Variants in NTRK2 observed in about 807,000 individuals in gnomAD.
NTRK2 encodes the protein BDNF/NT-3 growth factors receptor.
A neutral mutation model predicts 94.5 loss-of-function variants in NTRK2; 13 were observed. The observed-to-expected ratio is 0.14, with a 90% CI of 0.09 to 0.22. The LOEUF (loss-of-function observed/expected upper bound fraction) is 0.22, where lower values mean the gene tolerates loss of function less well. Ranked by LOEUF, NTRK2 falls within the 10% of genes least tolerant of loss-of-function variation. NTRK2 has a pLI of 1.00. For missense variants in NTRK2, 639 were observed against 1,071.2 expected, an observed-to-expected ratio of 0.60 and a Z score of 5.63; for synonymous variants, 372 against 407.4, an observed-to-expected ratio of 0.91 and a Z score of 1.05.
intron 14 of NTRK2, chr9:84,877,089 T>C: frequency 2.8e-6 from 3 of 1,064,444 alleles, no homozygotes; most frequent in Non-Finnish European, 3.4e-6. Flanking sequence ...TCATCACTCA[T>C]GTCCTGAATC....
chr9:84,751,174 A>C (rs11140751), intron 11 of NTRK2, among the ~76,000 whole-genome samples: 1,592 of 152,316 alleles, frequency 0.01, 10 homozygotes, highest in Non-Finnish European at 0.017. Flanking sequence ...CCTGACTTCT[A>C]AGAGCAACAA....
At chr9:84,937,931 TG>T (rs1249624430) in intron 15 of NTRK2, among the ~76,000 whole-genome samples, 2 of 152,224 alleles carry the variant, frequency 1.3e-5, no homozygotes, top group African/African-American at 4.8e-5. Flanking sequence ...GTGTGCATCG[TG>T]GGATTCATGG....
Position 84,670,615 on chromosome 9 carries a change from GACTCGGCACGCCCGCA to G in NTRK2, c.-131_-116del. On this transcript the variant is annotated 5_prime_UTR_variant, in exon 2 of 19. Transcript: ENST00000277120. ...GACCAGCTCAGCCTCTGATAAGCTG[GACTCGGCACGCCCGCA>G]ACAAGCACCGAGGAGTTAAGAGAGC... 1.1e-6 allele frequency: 1 copy of G among 874,678 alleles called. No homozygotes were observed. The highest frequency in any genetic ancestry group is 2.4e-5 in the East Asian group (1 of 41,420). The allele number at this position is 874,678 out of a possible 1,614,324, so 54.2% of individuals were successfully genotyped here. A position where few individuals can be genotyped will look rare whatever the true frequency, so the allele number is the denominator to read the frequency against.
chr9:84,875,235 A>C, intron 14 of NTRK2: 1 of 1,058,682 alleles, frequency 9.4e-7, no homozygotes, highest in Non-Finnish European at 1.1e-6. Context: ...ATTGTGCTGC[A>C]CAGTGTGTAG....
At chr9:84,845,402 A>G (rs900505443) in intron 12 of NTRK2, among the ~76,000 whole-genome samples, 4 of 152,234 alleles carry the variant, frequency 2.6e-5, no homozygotes, top group Admixed American at 2.6e-4. Context: ...CTTGGGTTGA[A>G]TAAACCCAAA....
rs571031615 is a variant in NTRK2 at position 84,988,579 on chromosome 9, C to G, written c.2173-31627C>G. ...ATCATAGAAAACTTTGTGATGGGAC[C>G]CTGATGCGGCGAGGGAAATCAGCTC... On this transcript the variant is annotated intron_variant, in intron 17 of 18. Coordinates refer to ENST00000277120, the MANE Select transcript of NTRK2 (RefSeq NM_006180.6). 6.6e-5 allele frequency among the ~76,000 whole-genome samples: 10 copies of G among 152,282 alleles called. No homozygotes were observed. The South Asian group carries it at 2.1e-3, about 32-fold the overall frequency.
intron 6 of NTRK2, among the ~76,000 whole-genome samples, chr9:84,722,033 A>C (rs892581575): frequency 6.6e-6 from 1 of 152,198 alleles, no homozygotes; most frequent in African/African-American, 2.4e-5. Context: ...ACACATTGAG[A>C]AAAACAACAG....
intron 13 of NTRK2, 55 bp from the exon 14 acceptor site, chr9:84,867,188 A>C: frequency 1.3e-6 from 2 of 1,551,214 alleles, no homozygotes; most frequent in Non-Finnish European, 1.8e-6. Context: ...TATGTGAATT[A>C]CAGCTCAATA....
At chr9:84,813,219 C>T (rs202024493) in intron 12 of NTRK2, 97 of 1,050,882 alleles carry the variant, frequency 9.2e-5, no homozygotes, top group Admixed American at 7.1e-4. Flanking sequence ...CTGTGTGAGC[C>T]GATGCCTGCC....
chr9:84,739,672 G>A (rs1322357049), intron 9 of NTRK2, among the ~76,000 whole-genome samples: 3 of 152,076 alleles, frequency 2.0e-5, no homozygotes, highest in African/African-American at 7.2e-5. Flanking sequence ...CATGCGGTGG[G>A]GGTCTGTGGG....
chr9:84,821,943 T>G (rs1035978375), intron 12 of NTRK2, among the ~76,000 whole-genome samples: 1 of 152,154 alleles, frequency 6.6e-6, no homozygotes, highest in Non-Finnish European at 1.5e-5. Context: ...CTTCCCTTTT[T>G]CTGCCTTTCA....
intron 14 of NTRK2, among the ~76,000 whole-genome samples, chr9:84,893,416 G>A (rs963862502): frequency 1.3e-5 from 2 of 152,308 alleles, no homozygotes; most frequent in South Asian, 2.1e-4. Context: ...CCTCGCAGGA[G>A]CAAGAATTAT....
chr9:84,881,541 T>C (rs1053207797), intron 14 of NTRK2, among the ~76,000 whole-genome samples: 9 of 152,146 alleles, frequency 5.9e-5, no homozygotes, highest in Non-Finnish European at 1.2e-4. Flanking sequence ...GCCCAAGACA[T>C]TGTAGGTTTA....
intron 17 of NTRK2, among the ~76,000 whole-genome samples, chr9:85,006,661 C>T (rs1831002153): frequency 6.7e-6 from 1 of 149,954 alleles, no homozygotes; most frequent in Non-Finnish European, 1.5e-5. Context: ...TCTCCCAGCT[C>T]CCTCTCACAC....
intron 17 of NTRK2, among the ~76,000 whole-genome samples, chr9:84,962,445 T>G (rs1033741045): frequency 9.9e-5 from 15 of 152,204 alleles, no homozygotes; most frequent in Non-Finnish European, 2.1e-4. Flanking sequence ...TTCACCCAAC[T>G]GGTGAAGAAT....
At chr9:85,003,302 A>C (rs187397441) in intron 17 of NTRK2, among the ~76,000 whole-genome samples, 2 of 152,320 alleles carry the variant, frequency 1.3e-5, no homozygotes, top group Admixed American at 1.3e-4. Context: ...TCACTCCTTC[A>C]TCTATTTCAA....
intron 14 of NTRK2, chr9:84,871,939 C>T (rs557486286): frequency 6.2e-6 from 10 of 1,603,100 alleles, no homozygotes; most frequent in South Asian, 2.2e-5. Context: ...AACATCTTGA[C>T]GTCACTCCTT....
At position 84,852,143 on chromosome 9, in the gene NTRK2, A is replaced by T. The variant is rs538127622; in HGVS notation, c.1397-8897A>T. On this transcript the variant is annotated intron_variant, in intron 12 of 18. Transcript: ENST00000277120. ...AAACAAAAGCTCCTGGGAATTTGAC[A>T]TCAAGTGTTTGCCAGACTCTGCGGA... Among the ~76,000 whole-genome samples, 12 of 152,302 alleles carry T rather than the reference A, an allele frequency of 7.9e-5. No homozygotes were observed. The East Asian group carries it at 2.3e-3, about 29-fold the overall frequency.
chr9:84,892,433 T>A (rs2132311689), intron 14 of NTRK2, among the ~76,000 whole-genome samples: 1 of 152,326 alleles, frequency 6.6e-6, no homozygotes, highest in East Asian at 1.9e-4. Context: ...CTTCCCACTC[T>A]CCATATTTTA....
Sources: allele counts gnomAD v4.1 joint callset (sites outside exome capture counted in the v4.1 genomes callset), GRCh38; gene constraint gnomAD v4.1.1; transcripts MANE v1.5; gene names NCBI Gene and HGNC (gene_info 2026-07-23, HGNC 2026-07-21).